PJA2: variants seen among roughly 807,000 people sequenced by gnomAD.
The protein encoded by PJA2 is praja ring finger ubiquitin ligase 2.
A neutral mutation model predicts 69.3 loss-of-function variants in PJA2; 25 were observed. The ratio of observed to expected loss-of-function variants is 0.36; its 90% CI spans 0.26 to 0.50. PJA2 has a LOEUF of 0.50. Ranked by LOEUF, PJA2 falls within the 20% of genes least tolerant of loss-of-function variation. PJA2 has a pLI of 0.96. For missense variants in PJA2, 809 were observed against 830.2 expected, an observed-to-expected ratio of 0.97 and a Z score of 0.31; for synonymous variants, 308 against 277.8, an observed-to-expected ratio of 1.11 and a Z score of -1.08.
At chr5:109,339,642 T>C (rs191723279) in intron 9 of PJA2, among the ~76,000 whole-genome samples, 8 of 152,336 alleles carry the variant, frequency 5.3e-5, no homozygotes, top group African/African-American at 1.9e-4. Flanking sequence ...TCCCCAATAA[T>C]TTTAATAACA....
At chr5:109,367,577 G>A (rs1211493562) in intron 5 of PJA2, among the ~76,000 whole-genome samples, 1 of 151,836 alleles carries the variant, frequency 6.6e-6, no homozygotes, top group Non-Finnish European at 1.5e-5. Flanking sequence ...CAGATGCAAG[G>A]ACAAAAAAAG....
chr5:109,394,490 T>C (rs1475000708), intron 1 of PJA2, among the ~76,000 whole-genome samples: 1 of 152,214 alleles, frequency 6.6e-6, no homozygotes, highest in East Asian at 1.9e-4. Flanking sequence ...GTGTTAAAGT[T>C]GTATTTCATT....
At chr5:109,363,912 G>A (rs1762537982) in intron 5 of PJA2, among the ~76,000 whole-genome samples, 1 of 152,164 alleles carries the variant, frequency 6.6e-6, no homozygotes, top group Non-Finnish European at 1.5e-5. Flanking sequence ...AGCACTTTGG[G>A]AGTCCGAGTC....
intron 7 of PJA2, among the ~76,000 whole-genome samples, chr5:109,345,513 CA>C (rs531364060): frequency 0.17 from 15,158 of 91,398 alleles, 742 homozygotes; most frequent in East Asian, 0.39. Flanking sequence ...GACTCTGTCT[CA>C]AAAAAAAAAA....
intron 9 of PJA2, among the ~76,000 whole-genome samples, chr5:109,342,737 G>A (rs1367513674): frequency 1.3e-4 from 17 of 131,488 alleles, no homozygotes; most frequent in East Asian, 4.7e-4. Context: ...CAGCCGCCCC[G>A]TCCGGGAGGT....
intron 1 of PJA2, among the ~76,000 whole-genome samples, chr5:109,405,012 T>C (rs188307984): frequency 6.6e-5 from 10 of 152,318 alleles, no homozygotes; most frequent in Admixed American, 1.3e-4. Context: ...TGATCTATAT[T>C]TGCAAATAAC....
chr5:109,365,674 T>C (rs1009673108), intron 5 of PJA2, among the ~76,000 whole-genome samples: 4 of 152,200 alleles, frequency 2.6e-5, no homozygotes, highest in African/African-American at 9.6e-5. Flanking sequence ...TAGCAATTCA[T>C]TAAATATTTC....
chr5:109,369,672 C>G (rs1034759532), intron 4 of PJA2, among the ~76,000 whole-genome samples: 1 of 152,136 alleles, frequency 6.6e-6, no homozygotes, highest in African/African-American at 2.4e-5. Flanking sequence ...AAGTGACATT[C>G]AAATGCATAA....
At chr5:109,390,096 T>G (rs1747247168) in intron 1 of PJA2, among the ~76,000 whole-genome samples, 1 of 152,028 alleles carries the variant, frequency 6.6e-6, no homozygotes, top group Non-Finnish European at 1.5e-5. Flanking sequence ...AAATGTCAAT[T>G]AGGTTAAGTT....
At chr5:109,350,370 C>A (rs1762230786) in intron 7 of PJA2, among the ~76,000 whole-genome samples, 1 of 151,846 alleles carries the variant, frequency 6.6e-6, no homozygotes, top group Non-Finnish European at 1.5e-5. Flanking sequence ...GACAACTAGC[C>A]TAAATCACCC....
Position 109,337,280 on chromosome 5 carries a change from G to A in PJA2, c.2078C>T (p.Pro693Leu), listed in dbSNP as rs1582574988. Residue 693 changes from proline to leucine, a missense_variant, in exon 10 of 10, where the codon CCT (proline) becomes CTT (leucine). Pro to Leu is a moderately conservative substitution (Grantham distance 98). Transcript: ENST00000361189. Reference sequence around the variant, plus strand: ...ATTTGAAGGTGGGGCATCAGGATCAGGCTCAGAGGAAGGAGCTGCAGATGC... The same window carrying A: ...ATTTGAAGGTGGGGCATCAGGATCAAGCTCAGAGGAAGGAGCTGCAGATGC... ...IEASAAPSSEPDPDAPPSNDS... is the reference protein window; with the variant it reads ...IEASAAPSSELDPDAPPSNDS... 6.2e-7 allele frequency: 1 copy of A among 1,613,742 alleles called. No individual in the cohort carries two copies. The highest frequency in any genetic ancestry group is 8.5e-7 in the Non-Finnish European group (1 of 1,179,898).
chr5:109,364,673 C>G (rs17161742), intron 5 of PJA2, among the ~76,000 whole-genome samples: 7,534 of 142,412 alleles, frequency 0.053, 203 homozygotes, highest in African/African-American at 0.072. Context: ...GATATAAAAC[C>G]CTGAAGTCAC....
At chr5:109,400,981 T>A (rs1182713754) in intron 1 of PJA2, among the ~76,000 whole-genome samples, 12 of 151,432 alleles carry the variant, frequency 7.9e-5, no homozygotes, top group Admixed American at 7.2e-4. Context: ...AGACTCTGTC[T>A]CAAAAACAAA....
At chr5:109,401,157 G>C (rs563605954) in intron 1 of PJA2, among the ~76,000 whole-genome samples, 1 of 152,132 alleles carries the variant, frequency 6.6e-6, no homozygotes, top group African/African-American at 2.4e-5. Flanking sequence ...AGTGGCGGGA[G>C]CCTGTGATCG....
chr5:109,344,416 G>T, intron 8 of PJA2, 105 bp from the exon 9 acceptor site: 1 of 1,233,324 alleles, frequency 8.1e-7, no homozygotes, highest in Non-Finnish European at 1.1e-6. Flanking sequence ...AGACGAAAGA[G>T]CCAGTCTTTG....
At chr5:109,380,578 T>C (rs1747019021) in intron 3 of PJA2, among the ~76,000 whole-genome samples, 1 of 150,182 alleles carries the variant, frequency 6.7e-6, no homozygotes, top group Admixed American at 6.6e-5. Context: ...GAGGCTGAGT[T>C]GGACGGACCA....
At position 109,382,193 on chromosome 5, in the gene PJA2, T is replaced by C. The variant is rs1161129420; in HGVS notation, c.32-490A>G. On this transcript the variant is annotated intron_variant, in intron 2 of 9. Transcript: ENST00000361189. ...TAACAAGTAACCTCTTTAAATGGTA[T>C]CTGTACCATGAAGAATCAACTAGAT... 1.3e-5 allele frequency among the ~76,000 whole-genome samples: 2 copies of C among 152,176 alleles called. 1 individual carries two copies. Among genetic ancestry groups the C allele is most frequent in the African/African-American group, 4.8e-5 (2 of 41,432 alleles).
At chr5:109,406,745 A>G (rs1276730641) in intron 1 of PJA2, among the ~76,000 whole-genome samples, 1 of 152,262 alleles carries the variant, frequency 6.6e-6, no homozygotes. Flanking sequence ...TGTTCAACAA[A>G]TGAAGGCTAT....
At chr5:109,382,784 G>A (rs1208994417) in intron 2 of PJA2, among the ~76,000 whole-genome samples, 6 of 151,344 alleles carry the variant, frequency 4.0e-5, no homozygotes, top group Non-Finnish European at 8.8e-5. Context: ...GGAGGCGGAG[G>A]TTGCAGTGAG....
Sources: allele counts gnomAD v4.1 joint callset (sites outside exome capture counted in the v4.1 genomes callset), GRCh38; gene constraint gnomAD v4.1.1; transcripts MANE v1.5; gene names NCBI Gene and HGNC (gene_info 2026-07-23, HGNC 2026-07-21).